ATF2: variants seen among roughly 807,000 people sequenced by gnomAD.
The protein encoded by ATF2 is cyclic AMP-dependent transcription factor ATF-2.
A neutral mutation model predicts 60.6 loss-of-function variants in ATF2; 24 were observed. That is an observed-to-expected ratio of 0.40 (90% CI 0.29 to 0.56). The LOEUF (loss-of-function observed/expected upper bound fraction) is 0.56. ATF2 is among the 20% of genes least tolerant of loss of function. The pLI is 0.54. For missense variants in ATF2, 433 were observed against 607.7 expected (o/e 0.71, Z 3.02); for synonymous variants, 206 against 215.4 (o/e 0.96, Z 0.38).
intron 12 of ATF2, 150 bp from the exon 13 acceptor site, chr2:175,080,915 C>T (rs1348984286): frequency 1.9e-6 from 1 of 523,666 alleles, no homozygotes; most frequent in South Asian, 3.2e-5. Flanking sequence ...CTAATCAGCA[C>T]AGGGCAGCTT....
intron 13 of ATF2, chr2:175,080,237 T>G (rs1693672580): frequency 6.6e-6 from 1 of 152,602 alleles, no homozygotes; most frequent in African/African-American, 2.4e-5. Flanking sequence ...TCTGATACCT[T>G]AAAGGGATAT....
In ATF2 at chr2:175,077,409, C is replaced by T. The variant is rs1452183367; in HGVS notation, c.1292-2574G>A. 2.0e-5 allele frequency among the ~76,000 whole-genome samples: 3 copies of T among 152,136 alleles called. No individual in the cohort carries two copies. In the South Asian group the frequency reaches 6.2e-4, roughly 32 times the overall value. On this transcript the variant is annotated intron_variant, in intron 13 of 13. Transcript: ENST00000264110. ...CAATGGTTGAACTAGTTTACAGTCC[C>T]ACCAACAGTGTAAAAGTGTTCCTAT... is the stretch of plus-strand genomic sequence containing the variant.
intron 1 of ATF2, among the ~76,000 whole-genome samples, chr2:175,164,980 C>A (rs1217923839): frequency 6.6e-6 from 1 of 152,170 alleles, no homozygotes; most frequent in Non-Finnish European, 1.5e-5. Flanking sequence ...CCTCAGCCTC[C>A]CCAGTAGCTG....
At chr2:175,137,644 T>C (rs1283268453) in intron 2 of ATF2, among the ~76,000 whole-genome samples, 3 of 151,984 alleles carry the variant, frequency 2.0e-5, no homozygotes, top group Non-Finnish European at 4.4e-5. Context: ...ATTATGAGAG[T>C]AGAGAGGTAG....
chr2:175,118,229 A>G (rs1153675), intron 6 of ATF2, 22 bp downstream of exon 6: 140,723 of 1,593,316 alleles, frequency 0.088, 6,854 homozygotes, highest in Middle Eastern at 0.18. Flanking sequence ...TACTCTTTTT[A>G]AATTTCATGG....
At chr2:175,108,354 G>C (rs368142792) in intron 10 of ATF2, among the ~76,000 whole-genome samples, 2 of 147,480 alleles carry the variant, frequency 1.4e-5, no homozygotes, top group African/African-American at 5.0e-5. Context: ...CAGCCGCCTC[G>C]TCCGGGAGGG....
intron 10 of ATF2, among the ~76,000 whole-genome samples, chr2:175,108,261 C>T (rs1178968284): frequency 2.0e-5 from 3 of 151,994 alleles, no homozygotes; most frequent in Admixed American, 6.5e-5. Context: ...GCCCAGCAGC[C>T]GCCCCGTCTG....
intron 10 of ATF2, among the ~76,000 whole-genome samples, chr2:175,106,010 A>G (rs1467168392): frequency 6.6e-6 from 1 of 152,184 alleles, no homozygotes; most frequent in Admixed American, 6.5e-5. Context: ...TATATTAGAA[A>G]AAAGATTTAA....
intron 12 of ATF2, among the ~76,000 whole-genome samples, chr2:175,090,501 GC>G (rs1209586217): frequency 1.3e-5 from 2 of 151,918 alleles, no homozygotes; most frequent in Non-Finnish European, 2.9e-5. Flanking sequence ...TGGATATAAT[GC>G]TTTTTCTTTT....
At chr2:175,086,235 G>T (rs1694157590) in intron 12 of ATF2, among the ~76,000 whole-genome samples, 1 of 152,120 alleles carries the variant, frequency 6.6e-6, no homozygotes, top group African/African-American at 2.4e-5. Context: ...AATATAACTT[G>T]TATTATTACT....
intron 10 of ATF2, among the ~76,000 whole-genome samples, chr2:175,102,243 A>G (rs779415262): frequency 6.6e-6 from 1 of 152,232 alleles, no homozygotes; most frequent in Non-Finnish European, 1.5e-5. Flanking sequence ...AGATAAAACC[A>G]GAAACTCTAT....
rs377033573 is a variant in ATF2 at position 175,114,822 on chromosome 2, C to T, written c.494G>A (p.Arg165His). The T allele has an allele frequency of 1.1e-5, 18 of 1,613,772 alleles. No homozygotes were observed. Among genetic ancestry groups the T allele is most frequent in the East Asian group, 6.7e-5 (3 of 44,866 alleles). ...QTAQPTSAIVRPASLQVPNVL... is the reference protein window; with the variant it reads ...QTAQPTSAIVHPASLQVPNVL... ...ATTGGGAACCTGTAATGATGCTGGA[C>T]GAACAATAGCTGATGTGGGCTGTGC... Residue 165 changes from arginine to histidine, a missense_variant, in exon 8 of 14, where the codon CGT becomes CAT. By Grantham distance (29) the Arg-to-His change is conservative (BLOSUM62 0). Around this residue, in one of 5 missense-constraint regions of ATF2, gnomAD observed 246 missense variants for 309.3 expected, o/e 0.80. Transcript: ENST00000264110.
Position 175,130,193 on chromosome 2 carries a change from A to T in ATF2, c.47T>A (p.Leu16Gln). Residue 16 changes from leucine to glutamine, a missense_variant, in exon 4 of 14, where the codon CTG becomes CAG. Transcript: ENST00000264110. ...GGGTTTGTCATCACTCATATTCCAC[A>T]GGTCCTTGTATTGCCTATAATCAAA... Reference protein sequence around the residue: ...HVNSARQYKDLWNMSDDKPFL... With the variant: ...HVNSARQYKDQWNMSDDKPFL... 6.3e-7 allele frequency: 1 copy of T among 1,590,390 alleles called. No homozygotes were observed. The highest frequency in any genetic ancestry group is 8.6e-7 in the Non-Finnish European group (1 of 1,167,738).
chr2:175,150,624 T>G (rs982056622), intron 2 of ATF2, among the ~76,000 whole-genome samples: 1 of 151,464 alleles, frequency 6.6e-6, no homozygotes, highest in Non-Finnish European at 1.5e-5. Context: ...AGAAAGCAAA[T>G]AAATTTGACA....
At chr2:175,148,544 T>A (rs1699098713) in intron 2 of ATF2, among the ~76,000 whole-genome samples, 1 of 152,066 alleles carries the variant, frequency 6.6e-6, no homozygotes, top group African/African-American at 2.4e-5. Context: ...AAAAACTAGT[T>A]AAGGCCATGA....
At chr2:175,106,579 T>C (rs1035190959) in intron 10 of ATF2, among the ~76,000 whole-genome samples, 1 of 151,486 alleles carries the variant, frequency 6.6e-6, no homozygotes, top group African/African-American at 2.4e-5. Context: ...CTCACGCCTG[T>C]AATCCCAACA....
In ATF2 at chr2:175,168,102, C is replaced by T. The variant is rs115928207; in HGVS notation, c.-195G>A. On this transcript the variant is annotated 5_prime_UTR_variant, in exon 1 of 14. It adds an upstream start codon to the 5' untranslated region. Coordinates refer to ENST00000264110, the MANE Select transcript of ATF2 (RefSeq NM_001880.4). ...TTCGGTCACCCGCGAGCCCTGAGCACAGCCGTGTTTACAAAGCACCCCTGG... is the reference window on the plus strand; with the variant it reads ...TTCGGTCACCCGCGAGCCCTGAGCATAGCCGTGTTTACAAAGCACCCCTGG... 2.7e-3 allele frequency: 463 copies of T among 170,628 alleles called. 4 individuals carry two copies. Among genetic ancestry groups the T allele is most frequent in the African/African-American group, 0.01 (444 of 42,334 alleles). 10.6% of individuals were successfully genotyped at this position (170,628 alleles called of 1,614,324 possible).
intron 2 of ATF2, among the ~76,000 whole-genome samples, chr2:175,136,968 T>A (rs1293060578): frequency 6.6e-6 from 1 of 152,142 alleles, no homozygotes; most frequent in Non-Finnish European, 1.5e-5. Flanking sequence ...TAAGGACAAG[T>A]ACAGTATACT....
chr2:175,107,880 T>C (rs1205404), intron 10 of ATF2, among the ~76,000 whole-genome samples: 32,451 of 152,124 alleles, frequency 0.21, 4,283 homozygotes, highest in African/African-American at 0.38. Context: ...TCAAAGGTGC[T>C]CAGGCTGGAG....
Sources: gnomAD v4.1 joint callset for allele counts (sites outside exome capture counted in the v4.1 genomes callset) on GRCh38, gnomAD v4.1.1 for gene constraint, gnomAD v4.1.1 regional missense constraint, MANE v1.5 for transcripts, NCBI Gene and HGNC (gene_info 2026-07-23, HGNC 2026-07-21) for gene names.